DYSF: variants seen among roughly 807,000 people sequenced by gnomAD.
DYSF encodes the protein dysferlin.
Under a neutral mutation model 274.9 loss-of-function variants are expected in DYSF, and 212 were observed. That is an observed-to-expected ratio of 0.77 (90% CI 0.69 to 0.86). DYSF has a LOEUF of 0.86. DYSF is among the 40% of genes least tolerant of loss of function. The pLI is 0.00. For missense variants in DYSF, 2,666 were observed against 2,783.2 expected (o/e 0.96, Z 0.95); for synonymous variants, 1,091 against 1,078.7 (o/e 1.01, Z -0.22).
At chr2:71,574,101 A>G in intron 29 of DYSF, 97 bp from the exon 30 acceptor site, 1 of 1,457,682 alleles carries the variant, frequency 6.9e-7, no homozygotes. Flanking sequence ...GCTGGTGGGG[A>G]GTTGTCATGG....
At chr2:71,625,281 A>G (rs2094189151) in intron 41 of DYSF, among the ~76,000 whole-genome samples, 1 of 152,036 alleles carries the variant, frequency 6.6e-6, no homozygotes, top group African/African-American at 2.4e-5. Context: ...CTATTTGTCT[A>G]TATTTTCTTC....
intron 1 of DYSF, among the ~76,000 whole-genome samples, chr2:71,480,530 G>C (rs1399173254): frequency 6.6e-6 from 1 of 151,892 alleles, no homozygotes; most frequent in African/African-American, 2.4e-5. Flanking sequence ...CTCCAGCCTG[G>C]GCAACAGAGT....
At chr2:71,483,600 G>A (rs974789293) in intron 3 of DYSF, among the ~76,000 whole-genome samples, 1 of 152,228 alleles carries the variant, frequency 6.6e-6, no homozygotes, top group Non-Finnish European at 1.5e-5. Flanking sequence ...GGTCTCCAAT[G>A]CCAGGCTGAG....
At chr2:71,528,432 C>T (rs755741046) in intron 14 of DYSF, 31 bp downstream of exon 14, 56 of 1,579,290 alleles carry the variant, frequency 3.5e-5, no homozygotes, top group African/African-American at 5.4e-5. Flanking sequence ...AGGGTTCTCT[C>T]GGGAGGGGAC....
In DYSF at chr2:71,568,310, GGA is replaced by G; in HGVS notation, c.2839_2840del (p.Asp947LeufsTer12). 1 of 1,614,210 alleles carries G rather than the reference GGA, an allele frequency of 6.2e-7. No individual in the cohort carries two copies. The highest frequency in any genetic ancestry group is 2.2e-5 in the East Asian group (1 of 44,868). On this transcript the variant is annotated frameshift_variant, in exon 26 of 56. Coordinates refer to ENST00000410020, the MANE Select transcript of DYSF (RefSeq NM_001130987.2). LOFTEE classifies it high-confidence loss of function. ...CCCCTCGGCCGGCTGGACCTGGGCT[GGA>G]GATTGGTTCGTGTGTCCGGAGAAGA... is the stretch of plus-strand genomic sequence containing the variant. The part of the protein sequence containing the change: ...FRPSAGWTWA[G>X]DWFVCPEKTL...
chr2:71,551,474 A>AG (rs2090938445), intron 18 of DYSF, 133 bp from the exon 19 acceptor site: 7 of 747,446 alleles, frequency 9.4e-6, no homozygotes, highest in Non-Finnish European at 1.6e-5. Context: ...CCTCACCTGC[A>AG]GGGGGGATGA....
chr2:71,594,976 C>G lies in DYSF; in HGVS notation c.3575-3588C>G, dbSNP rs536761861. Among the ~76,000 whole-genome samples, 3 of 152,368 alleles carry G rather than the reference C, an allele frequency of 2.0e-5. No homozygotes were observed. In the East Asian group the frequency reaches 5.8e-4, roughly 29 times the overall value. ...TTCCTATTCCTAGCACTGTGCTAAC[C>G]TCCCACAGGATAGCCAATCAATAAT... On this transcript the variant is annotated intron_variant, in intron 32 of 55. Coordinates refer to ENST00000410020, the MANE Select transcript of DYSF (RefSeq NM_001130987.2).
intron 13 of DYSF, 90 bp downstream of exon 13, chr2:71,526,436 C>T: frequency 6.6e-7 from 1 of 1,526,708 alleles, no homozygotes; most frequent in East Asian, 2.3e-5. Context: ...GGGGTCAGCT[C>T]CCTGGGGGAA....
At chr2:71,509,025 T>G (rs2085795267) in intron 4 of DYSF, among the ~76,000 whole-genome samples, 1 of 151,664 alleles carries the variant, frequency 6.6e-6, no homozygotes, top group South Asian at 2.1e-4. Context: ...GCTATTTTTT[T>G]TGTATTTTTA....
At chr2:71,536,243 T>C (rs185186717) in intron 16 of DYSF, among the ~76,000 whole-genome samples, 2 of 152,108 alleles carry the variant, frequency 1.3e-5, no homozygotes. Context: ...TCTCCTCTGG[T>C]CTCATGCCCA....
chr2:71,646,525 C>T (rs1009734859), intron 42 of DYSF, among the ~76,000 whole-genome samples: 32 of 152,182 alleles, frequency 2.1e-4, no homozygotes, highest in Admixed American at 1.6e-3. Flanking sequence ...CCATCACCAA[C>T]GTGGGTCTTT....
intron 4 of DYSF, among the ~76,000 whole-genome samples, chr2:71,504,822 T>C (rs4535069): frequency 0.66 from 100,121 of 152,128 alleles, 34,290 homozygotes; most frequent in Non-Finnish European, 0.76. Context: ...ATGAGCCGTG[T>C]CAGGCTGGAG....
intron 53 of DYSF, 30 bp downstream of exon 53, chr2:71,679,265 G>A (rs1183129829): frequency 1.1e-5 from 18 of 1,607,436 alleles, no homozygotes; most frequent in Non-Finnish European, 1.4e-5. Context: ...CCCCAGTGGA[G>A]GGCATGGGGG....
intron 14 of DYSF, among the ~76,000 whole-genome samples, chr2:71,534,309 C>A (rs2089068705): frequency 6.6e-6 from 1 of 152,220 alleles, no homozygotes; most frequent in African/African-American, 2.4e-5. Flanking sequence ...GAAACTGAGT[C>A]TTTACCTGCT....
intron 41 of DYSF, among the ~76,000 whole-genome samples, chr2:71,640,740 CGTGTGTGTGTGT>C (rs70963107): frequency 6.7e-6 from 1 of 148,268 alleles, no homozygotes; most frequent in African/African-American, 2.5e-5. Flanking sequence ...GAGATTAATC[CGTGTGTGTGTGT>C]GTGTGTGTGT....
At chr2:71,605,547 T>G (rs1214886677) in intron 36 of DYSF, among the ~76,000 whole-genome samples, 1 of 151,676 alleles carries the variant, frequency 6.6e-6, no homozygotes, top group African/African-American at 2.4e-5. Flanking sequence ...GGAGGGGGTG[T>G]GGTTTAGAGA....
chr2:71,510,622 G>C (rs2085995182), intron 4 of DYSF, among the ~76,000 whole-genome samples: 1 of 152,180 alleles, frequency 6.6e-6, no homozygotes, highest in African/African-American at 2.4e-5. Context: ...CTCAAGAGCT[G>C]AGTATGTCGG....
chr2:71,516,921 G>C (rs2086715896), intron 9 of DYSF, 68 bp from the exon 10 acceptor site: 4 of 1,386,450 alleles, frequency 2.9e-6, no homozygotes, highest in East Asian at 4.6e-5. Flanking sequence ...GGAGGGAAGA[G>C]CTATTGGGTT....
Position 71,503,329 on chromosome 2 carries a change from C to T in DYSF, c.345+10C>T. 6.2e-7 allele frequency: 1 copy of T among 1,613,862 alleles called. No homozygotes were observed. Among genetic ancestry groups the T allele is most frequent in the Non-Finnish European group, 8.5e-7 (1 of 1,179,762 alleles). The stretch of plus-strand genomic sequence containing the variant: ...GAAGCAGCCCACAGGGGTAAGTGCC[C>T]ATCAGCCTCTGCCAGGTTAAGGTCC... On this transcript the variant is annotated intron_variant, in intron 4 of 55. Transcript: ENST00000410020.
Sources: allele counts gnomAD v4.1 joint callset (sites outside exome capture counted in the v4.1 genomes callset), GRCh38; gene constraint gnomAD v4.1.1; transcripts MANE v1.5; gene names NCBI Gene and HGNC (gene_info 2026-07-23, HGNC 2026-07-21).